CHODL: variants seen among roughly 807,000 people sequenced by gnomAD.
CHODL encodes the protein chondrolectin, also known as transmembrane protein MT75.
A neutral mutation model predicts 34.5 loss-of-function variants in CHODL; 29 were observed. The observed-to-expected ratio is 0.84, with a 90% CI of 0.63 to 1.15. The LOEUF (loss-of-function observed/expected upper bound fraction) is 1.15. Among genes scored for constraint, CHODL ranks in the 50% most tolerant of loss-of-function variants. The pLI is 0.00. For missense variants in CHODL, 332 were observed against 332.5 expected, an observed-to-expected ratio of 1.00 and a Z score of 0.01; for synonymous variants, 125 against 116.1, an observed-to-expected ratio of 1.08 and a Z score of -0.49.
chr21:18,041,579 G>A (rs1179799689), intron 2 of CHODL, among the ~76,000 whole-genome samples: 4 of 151,684 alleles, frequency 2.6e-5, no homozygotes, highest in East Asian at 1.9e-4. Flanking sequence ...TTTTGTGATC[G>A]AAAAAGTCTA....
At chr21:18,229,331 A>G (rs752441226) in intron 2 of CHODL, among the ~76,000 whole-genome samples, 3 of 152,110 alleles carry the variant, frequency 2.0e-5, no homozygotes, top group Non-Finnish European at 2.9e-5. Flanking sequence ...CAAAGTTTTT[A>G]TTGCTTATTC....
At chr21:18,087,560 C>T (rs2065022798) in intron 2 of CHODL, among the ~76,000 whole-genome samples, 1 of 152,104 alleles carries the variant, frequency 6.6e-6, no homozygotes, top group Admixed American at 6.5e-5. Context: ...CATAGGAGAG[C>T]TGGGCCCCCT....
intron 2 of CHODL, among the ~76,000 whole-genome samples, chr21:18,121,841 C>T (rs1259827728): frequency 1.3e-5 from 2 of 152,168 alleles, no homozygotes; most frequent in Non-Finnish European, 2.9e-5. Flanking sequence ...TCCAGGCTAT[C>T]TTTACGTCAT....
At chr21:18,250,797 C>T (rs899367402) in intron 1 of CHODL, among the ~76,000 whole-genome samples, 17 of 151,794 alleles carry the variant, frequency 1.1e-4, no homozygotes, top group Admixed American at 9.8e-4. Context: ...TCTAATAAAA[C>T]ATTCTAAGTT....
chr21:17,999,060 A>C (rs371656092), intron 1 of CHODL, among the ~76,000 whole-genome samples: 1 of 152,118 alleles, frequency 6.6e-6, no homozygotes. Flanking sequence ...GACAGCACCC[A>C]AGTCACCTTT....
intron 1 of CHODL, among the ~76,000 whole-genome samples, chr21:17,998,487 A>G (rs1009498023): frequency 1.5e-4 from 23 of 152,234 alleles, no homozygotes; most frequent in African/African-American, 5.5e-4. Flanking sequence ...CTCTGACCCC[A>G]CATTTCTCTT....
At chr21:18,152,448 C>A (rs2072981739) in intron 2 of CHODL, among the ~76,000 whole-genome samples, 1 of 152,188 alleles carries the variant, frequency 6.6e-6, no homozygotes, top group Non-Finnish European at 1.5e-5. Flanking sequence ...AAGGAGTTAG[C>A]CAGGGCTGGG....
intron 2 of CHODL, among the ~76,000 whole-genome samples, chr21:18,196,983 C>T (rs191191842): frequency 1.3e-3 from 193 of 152,178 alleles, no homozygotes; most frequent in Non-Finnish European, 1.8e-3. Flanking sequence ...GACACACACC[C>T]GTGCGTACAC....
At chr21:17,935,592 C>CT in intron 1 of CHODL, among the ~76,000 whole-genome samples, 1 of 152,226 alleles carries the variant, frequency 6.6e-6, no homozygotes, top group Middle Eastern at 3.4e-3. Flanking sequence ...CAAGAATTAT[C>CT]TTTTTTAACA....
intron 2 of CHODL, among the ~76,000 whole-genome samples, chr21:18,119,016 CT>C (rs1237502252): frequency 6.6e-6 from 1 of 152,108 alleles, no homozygotes; most frequent in East Asian, 1.9e-4. Context: ...CCCCTCTTTC[CT>C]TTTATATGAT....
intron 2 of CHODL, among the ~76,000 whole-genome samples, chr21:18,170,400 C>T (rs1313558664): frequency 2.0e-5 from 3 of 152,076 alleles, no homozygotes; most frequent in Non-Finnish European, 4.4e-5. Context: ...CAAGCATTTA[C>T]ATTTAATATA....
chr21:18,211,924 A>C (rs1390154435), intron 2 of CHODL, among the ~76,000 whole-genome samples: 1 of 152,210 alleles, frequency 6.6e-6, no homozygotes, highest in African/African-American at 2.4e-5. Context: ...ATGAGAGTCT[A>C]TCTATTAAGA....
At chr21:18,078,181 G>C (rs1276746202) in intron 2 of CHODL, among the ~76,000 whole-genome samples, 2 of 152,118 alleles carry the variant, frequency 1.3e-5, no homozygotes, top group Non-Finnish European at 2.9e-5. Context: ...AATGAGACTG[G>C]GTAATTTATA....
chr21:18,198,651 G>A (rs1568933860), intron 2 of CHODL, among the ~76,000 whole-genome samples: 1 of 152,024 alleles, frequency 6.6e-6, no homozygotes, highest in Non-Finnish European at 1.5e-5. Context: ...AATAGTAGAA[G>A]GGTAAAAGAC....
chr21:18,217,964 C>T (rs147081142), intron 2 of CHODL, among the ~76,000 whole-genome samples: 2 of 152,332 alleles, frequency 1.3e-5, no homozygotes, highest in East Asian at 3.9e-4. Flanking sequence ...AAGAGGTGGG[C>T]TCCCAGGGCC....
chr21:18,194,614 A>T (rs577354926), intron 2 of CHODL, among the ~76,000 whole-genome samples: 25 of 152,268 alleles, frequency 1.6e-4, no homozygotes, highest in Admixed American at 1.4e-3. Context: ...AAAAAAAAAA[A>T]AAAAACTAAT....
At chr21:18,236,690 A>C (rs571400016) in intron 2 of CHODL, among the ~76,000 whole-genome samples, 1 of 152,272 alleles carries the variant, frequency 6.6e-6, no homozygotes, top group East Asian at 1.9e-4. Flanking sequence ...GCAAAATTTG[A>C]TTAAAAATCT....
chr21:18,202,875 A>G (rs2146711508), intron 2 of CHODL, among the ~76,000 whole-genome samples: 1 of 152,294 alleles, frequency 6.6e-6, no homozygotes, highest in South Asian at 2.1e-4. Flanking sequence ...CATAGACAGT[A>G]AATATGCTGG....
intron 1 of CHODL, among the ~76,000 whole-genome samples, chr21:17,926,651 C>A (rs1329508561): frequency 2.0e-5 from 3 of 152,094 alleles, no homozygotes; most frequent in African/African-American, 7.2e-5. Context: ...GTCACGAGAA[C>A]AACATGACAG....
Sources: gnomAD v4.1 joint callset for allele counts (sites outside exome capture counted in the v4.1 genomes callset) on GRCh38, gnomAD v4.1.1 for gene constraint, MANE v1.5 for transcripts, NCBI Gene and HGNC (gene_info 2026-07-23, HGNC 2026-07-21) for gene names.